Variants in TM9SF4 observed in about 807,000 individuals in gnomAD.
The protein encoded by TM9SF4 is transmembrane 9 superfamily member 4.
A neutral mutation model predicts 90.4 loss-of-function variants in TM9SF4; 26 were observed. The ratio of observed to expected loss-of-function variants is 0.29; its 90% CI spans 0.21 to 0.40. The LOEUF (loss-of-function observed/expected upper bound fraction) is 0.40. TM9SF4 is among the 10% of genes least tolerant of loss of function. TM9SF4 has a pLI of 1.00. For missense variants in TM9SF4, 549 were observed against 834.8 expected (o/e 0.66, Z 4.22); for synonymous variants, 293 against 315.4 (o/e 0.93, Z 0.75).
At chr20:32,143,641 G>T (rs931398136) in intron 6 of TM9SF4, among the ~76,000 whole-genome samples, 11 of 152,150 alleles carry the variant, frequency 7.2e-5, no homozygotes, top group Admixed American at 2.6e-4. Flanking sequence ...GTCCGGCTTT[G>T]CCTCACCTCT....
At chr20:32,141,941 C>A (rs759422725) in intron 5 of TM9SF4, 46 bp downstream of exon 5, 4 of 1,611,118 alleles carry the variant, frequency 2.5e-6, no homozygotes, top group Non-Finnish European at 3.4e-6. Context: ...CCACACCTCA[C>A]GAGTCCTGAG....
At chr20:32,149,476 T>C (rs2046810227) in intron 9 of TM9SF4, among the ~76,000 whole-genome samples, 158 bp from the exon 10 acceptor site, 1 of 152,222 alleles carries the variant, frequency 6.6e-6, no homozygotes, top group Non-Finnish European at 1.5e-5. Flanking sequence ...CCTTTTCTTG[T>C]GACAGTTTCA....
At chr20:32,163,492 C>T (rs1000149470) in intron 17 of TM9SF4, among the ~76,000 whole-genome samples, 8 of 150,988 alleles carry the variant, frequency 5.3e-5, no homozygotes, top group East Asian at 1.9e-4. Context: ...TACCATGATA[C>T]GTCAGCCAGT....
rs1363358194 is a variant in TM9SF4, at chr20:32,124,228, C to T, written c.16-8785C>T. On this transcript the variant is annotated intron_variant, in intron 1 of 17. Coordinates refer to ENST00000398022, the MANE Select transcript of TM9SF4 (RefSeq NM_014742.4). ...ATTATTTCTCTTTTCAAAATCATCC[C>T]GAAGTAACGGACAAATACCAAATTG... is the stretch of plus-strand genomic sequence containing the variant. 3.3e-5 allele frequency among the ~76,000 whole-genome samples: 5 copies of T among 151,950 alleles called. No homozygotes were observed. The South Asian group carries it at 8.3e-4, about 25-fold the overall frequency.
At chr20:32,146,543 A>T (rs1349613300) in intron 8 of TM9SF4, among the ~76,000 whole-genome samples, 1 of 152,016 alleles carries the variant, frequency 6.6e-6, no homozygotes, top group Non-Finnish European at 1.5e-5. Flanking sequence ...TCTCCCCAGG[A>T]TACCCCTACC....
intron 3 of TM9SF4, among the ~76,000 whole-genome samples, chr20:32,141,165 T>C (rs6089190): frequency 0.46 from 65,568 of 142,354 alleles, 15,008 homozygotes; most frequent in East Asian, 0.75. Context: ...CACAGTGAGC[T>C]GAGATCGTGC....
Position 32,133,136 on chromosome 20 carries a change from T to C in TM9SF4, c.129+10T>C. 1 of 1,613,620 alleles carries C rather than the reference T, an allele frequency of 6.2e-7. No homozygotes were observed. The highest frequency in any genetic ancestry group is 8.5e-7 in the Non-Finnish European group (1 of 1,179,686). On this transcript the variant is annotated intron_variant, in intron 2 of 17. Transcript: ENST00000398022. The stretch of plus-strand genomic sequence containing the variant: ...TCCCGTAGAAATCAAGGTAAGTGTG[T>C]TCCTGGATTTTTGGAGCCTCTGTGC...
At chr20:32,158,864 C>T (rs1324519841) in intron 15 of TM9SF4, among the ~76,000 whole-genome samples, 1 of 152,036 alleles carries the variant, frequency 6.6e-6, no homozygotes, top group Non-Finnish European at 1.5e-5. Flanking sequence ...CGCCTGTAGT[C>T]CCAGCTACAT....
intron 1 of TM9SF4, among the ~76,000 whole-genome samples, chr20:32,124,939 C>CTTGTT (rs1027755348): frequency 1.3e-5 from 2 of 152,252 alleles, no homozygotes; most frequent in South Asian, 2.1e-4. Flanking sequence ...GGAACTTTGC[C>CTTGTT]TTGTTTTGTT....
rs114894700 is a variant in TM9SF4, at chr20:32,164,969, G to A, written c.1780-326G>A. On this transcript the variant is annotated intron_variant, in intron 17 of 17. Coordinates refer to ENST00000398022, the MANE Select transcript of TM9SF4 (RefSeq NM_014742.4). ...ACCCCTCCCCTCCCCCACCCACTCC[G>A]ACTGCTTCTCCAGCCATGCGGGAGT... is the stretch of plus-strand genomic sequence containing the variant. 6.4e-3 allele frequency among the ~76,000 whole-genome samples: 968 copies of A among 151,038 alleles called. 12 individuals are homozygous for A. The highest frequency in any genetic ancestry group is 0.022 in the African/African-American group (916 of 41,372).
At chr20:32,146,722 G>A in intron 8 of TM9SF4, 63 bp from the exon 9 acceptor site, 6 of 1,509,002 alleles carry the variant, frequency 4.0e-6, no homozygotes, top group Non-Finnish European at 5.5e-6. Context: ...GTCTAGGAGG[G>A]CATGGAGCAT....
At chr20:32,146,716 A>G in intron 8 of TM9SF4, 69 bp from the exon 9 acceptor site, 6 of 1,484,706 alleles carry the variant, frequency 4.0e-6, no homozygotes, top group Non-Finnish European at 5.6e-6. Flanking sequence ...CATCATGTCT[A>G]GGAGGGCATG....
chr20:32,125,694 T>C (rs1243281721), intron 1 of TM9SF4, among the ~76,000 whole-genome samples: 1 of 147,944 alleles, frequency 6.8e-6, no homozygotes, highest in Non-Finnish European at 1.5e-5. Context: ...TTTTTTTTTT[T>C]TTTTTTTTGA....
intron 9 of TM9SF4, among the ~76,000 whole-genome samples, chr20:32,148,279 G>A (rs1164122778): frequency 1.3e-5 from 2 of 152,178 alleles, no homozygotes; most frequent in Non-Finnish European, 2.9e-5. Context: ...GACCGTTTTG[G>A]ACCATCATAT....
chr20:32,141,090 A>ACG (rs1569080048), intron 3 of TM9SF4, among the ~76,000 whole-genome samples: 3 of 151,424 alleles, frequency 2.0e-5, no homozygotes, highest in Admixed American at 6.6e-5. Flanking sequence ...GGTGGCATGC[A>ACG]CCTGTAGTCC....
At chr20:32,111,269 T>C (rs2046139772) in intron 1 of TM9SF4, among the ~76,000 whole-genome samples, 1 of 152,206 alleles carries the variant, frequency 6.6e-6, no homozygotes, top group Non-Finnish European at 1.5e-5. Flanking sequence ...ATATATATTC[T>C]GGTACCACAT....
chr20:32,138,349 A>G (rs1349505546), intron 3 of TM9SF4, among the ~76,000 whole-genome samples: 1 of 152,210 alleles, frequency 6.6e-6, no homozygotes, highest in African/African-American at 2.4e-5. Flanking sequence ...CATGTATAAA[A>G]TGAGCCATTT....
intron 5 of TM9SF4, 144 bp from the exon 6 acceptor site, chr20:32,142,838 A>C: frequency 1.8e-6 from 2 of 1,084,668 alleles, no homozygotes; most frequent in Non-Finnish European, 2.6e-6. Context: ...GAGCCCTTGA[A>C]GAGCTTCTGA....
At chr20:32,113,690 C>A (rs890027072) in intron 1 of TM9SF4, among the ~76,000 whole-genome samples, 1 of 152,114 alleles carries the variant, frequency 6.6e-6, no homozygotes, top group Non-Finnish European at 1.5e-5. Flanking sequence ...ATAAAATTCA[C>A]CCCTTTAAAG....
Sources: allele counts gnomAD v4.1 joint callset (sites outside exome capture counted in the v4.1 genomes callset), GRCh38; gene constraint gnomAD v4.1.1; transcripts MANE v1.5; gene names NCBI Gene and HGNC (gene_info 2026-07-23, HGNC 2026-07-21).